The following IQCJ variants were observed in gnomAD, a reference collection of about 807,000 sequenced individuals.
The protein encoded by IQCJ is IQ motif containing J, also known as IQ domain-containing protein J.
A neutral mutation model predicts 11.0 loss-of-function variants in IQCJ; 9 were observed. The observed-to-expected ratio is 0.82, with a 90% confidence interval of 0.49 to 1.43. The LOEUF is 1.43. IQCJ is among the 40% of genes most tolerant of loss of function. The probability of loss-of-function intolerance (pLI) is 0.00; values close to 1 mark genes in which losing one functional copy is unlikely to be tolerated. For synonymous variants in IQCJ, 55 were observed against 51.3 expected, an observed-to-expected ratio of 1.07 and a Z score of -0.31; for missense variants, 146 against 133.2, an observed-to-expected ratio of 1.10 and a Z score of -0.47.
At chr3:159,124,103 A>G (rs1373394493) in intron 1 of IQCJ, among the ~76,000 whole-genome samples, 1 of 152,118 alleles carries the variant, frequency 6.6e-6, no homozygotes, top group East Asian at 1.9e-4. Flanking sequence ...CCAAGGCAGA[A>G]AAGCAGAGTC....
intron 1 of IQCJ, among the ~76,000 whole-genome samples, chr3:159,187,915 G>A (rs1242330091): frequency 6.6e-6 from 1 of 152,178 alleles, no homozygotes; most frequent in African/African-American, 2.4e-5. Context: ...ACCAATCACT[G>A]TGGCTGGGTG....
intron 1 of IQCJ, among the ~76,000 whole-genome samples, chr3:159,194,903 G>C (rs1723895137): frequency 6.6e-6 from 1 of 152,044 alleles, no homozygotes; most frequent in Admixed American, 6.6e-5. Flanking sequence ...ATGAGGTTAG[G>C]AGTTTGAGAC....
chr3:159,238,819 TTGAC>T (rs780327741), intron 1 of IQCJ, among the ~76,000 whole-genome samples: 13 of 152,056 alleles, frequency 8.5e-5, no homozygotes, highest in Non-Finnish European at 1.5e-4. Context: ...TATGAATCAT[TTGAC>T]TGGGCTCAGA....
At chr3:159,185,566 C>T (rs6788869) in intron 1 of IQCJ, among the ~76,000 whole-genome samples, 221 of 152,198 alleles carry the variant, frequency 1.5e-3, no homozygotes, top group African/African-American at 5.2e-3. Flanking sequence ...CATAGTTTCT[C>T]GGGGCCAGAA....
intron 1 of IQCJ, among the ~76,000 whole-genome samples, chr3:159,167,775 T>C (rs1193675415): frequency 1.3e-5 from 2 of 152,224 alleles, no homozygotes; most frequent in Non-Finnish European, 2.9e-5. Context: ...AGCTCATTTG[T>C]ATCTACAAAA....
intron 1 of IQCJ, among the ~76,000 whole-genome samples, chr3:159,118,571 C>G (rs1719166887): frequency 6.6e-6 from 1 of 152,204 alleles, no homozygotes; most frequent in African/African-American, 2.4e-5. Flanking sequence ...TGTGAAGTGA[C>G]TAGCTCAAGG....
In IQCJ at chr3:159,244,860, C is replaced by T. The variant is rs985275277; in HGVS notation, c.10-983C>T. 2.6e-5 allele frequency among the ~76,000 whole-genome samples: 4 copies of T among 152,186 alleles called. No individual in the cohort carries two copies. The South Asian group carries it at 8.3e-4, about 32-fold the overall frequency. On this transcript the variant is annotated intron_variant, in intron 1 of 3. Coordinates refer to ENST00000397832, the MANE Select transcript of IQCJ (RefSeq NM_001042706.3). Reference sequence around the variant, plus strand: ...ATAATTATTTCTAACTGCGCCTTCCCCTTGGGACTGGTCACTTTGACAATT... The same window carrying T: ...ATAATTATTTCTAACTGCGCCTTCCTCTTGGGACTGGTCACTTTGACAATT...
At chr3:159,091,001 T>A (rs571846079) in intron 1 of IQCJ, among the ~76,000 whole-genome samples, 2 of 151,872 alleles carry the variant, frequency 1.3e-5, no homozygotes, top group East Asian at 3.9e-4. Flanking sequence ...CCCTAAATTA[T>A]AGTGGAAAGC....
chr3:159,229,201 C>T (rs545540002), intron 1 of IQCJ, among the ~76,000 whole-genome samples: 1 of 152,298 alleles, frequency 6.6e-6, no homozygotes, highest in Non-Finnish European at 1.5e-5. Flanking sequence ...ATTTCTATCA[C>T]TCTTTCCACA....
intron 1 of IQCJ, among the ~76,000 whole-genome samples, chr3:159,233,798 T>C (rs528515370): frequency 1.3e-5 from 2 of 152,296 alleles, no homozygotes; most frequent in Non-Finnish European, 1.5e-5. Flanking sequence ...ACCAGCACTT[T>C]AGAGTACACA....
chr3:159,095,218 C>A (rs1004230634), intron 1 of IQCJ, among the ~76,000 whole-genome samples: 1 of 151,798 alleles, frequency 6.6e-6, no homozygotes, highest in Non-Finnish European at 1.5e-5. Flanking sequence ...ACCATGACAT[C>A]AAGTGAAAAA....
chr3:159,254,546 G>C lies in IQCJ; in HGVS notation c.155+1739G>C, dbSNP rs142238757. Reference sequence around the variant, plus strand: ...ACAATAGAACTTGAGTCCCATTGGAGAGTTTAGTCTAGTTCAGTGACTTTT... The same window carrying C: ...ACAATAGAACTTGAGTCCCATTGGACAGTTTAGTCTAGTTCAGTGACTTTT... On this transcript the variant is annotated intron_variant, in intron 3 of 3. Coordinates refer to ENST00000397832, the MANE Select transcript of IQCJ (RefSeq NM_001042706.3). 2.8e-3 allele frequency among the ~76,000 whole-genome samples: 426 copies of C among 152,312 alleles called. 1 individual carries two copies. The highest frequency in any genetic ancestry group is 9.8e-3 in the African/African-American group (409 of 41,572).
At chr3:159,088,610 G>C (rs1183312512) in intron 1 of IQCJ, among the ~76,000 whole-genome samples, 2 of 152,104 alleles carry the variant, frequency 1.3e-5, no homozygotes, top group Admixed American at 6.5e-5. Flanking sequence ...CTCCTGTATT[G>C]GGTGCATATA....
At chr3:159,159,455 A>G (rs868774320) in intron 1 of IQCJ, among the ~76,000 whole-genome samples, 3 of 152,206 alleles carry the variant, frequency 2.0e-5, no homozygotes, top group Non-Finnish European at 4.4e-5. Context: ...CATCAAGCAC[A>G]CAGAAAATTT....
At chr3:159,136,423 C>T (rs542133949) in intron 1 of IQCJ, among the ~76,000 whole-genome samples, 2 of 152,244 alleles carry the variant, frequency 1.3e-5, no homozygotes, top group East Asian at 1.9e-4. Flanking sequence ...CCCTTAGAGA[C>T]CATTTTGGTG....
chr3:159,169,323 T>C (rs1722363778), intron 1 of IQCJ, among the ~76,000 whole-genome samples: 1 of 149,934 alleles, frequency 6.7e-6, no homozygotes, highest in Admixed American at 6.7e-5. Context: ...TTGCTCTTAT[T>C]GTCCAGGCTG....
At chr3:159,116,361 A>T (rs1718998037) in intron 1 of IQCJ, among the ~76,000 whole-genome samples, 1 of 152,058 alleles carries the variant, frequency 6.6e-6, no homozygotes. Context: ...GATATATGGA[A>T]GTCTTTGTTC....
intron 1 of IQCJ, among the ~76,000 whole-genome samples, chr3:159,144,568 A>C (rs368517636): frequency 6.6e-6 from 1 of 152,156 alleles, no homozygotes; most frequent in Non-Finnish European, 1.5e-5. Flanking sequence ...TTGAGCCACA[A>C]CAAATTCCCA....
At chr3:159,105,917 A>G (rs1238427958) in intron 1 of IQCJ, among the ~76,000 whole-genome samples, 2 of 152,174 alleles carry the variant, frequency 1.3e-5, no homozygotes, top group African/African-American at 4.8e-5. Context: ...TATGTGATCT[A>G]TGTTTTCAAA....
Sources: allele counts gnomAD v4.1 joint callset (sites outside exome capture counted in the v4.1 genomes callset), GRCh38; gene constraint gnomAD v4.1.1; transcripts MANE v1.5; gene names NCBI Gene and HGNC (gene_info 2026-07-23, HGNC 2026-07-21).